MAGI1: variants seen among roughly 807,000 people sequenced by gnomAD.
The protein encoded by MAGI1 is membrane associated guanylate kinase, WW and PDZ domain containing 1, also known as membrane-associated guanylate kinase, WW and PDZ domain-containing protein 1.
MAGI1 carries 58 observed loss-of-function variants against 139.9 expected under a neutral mutation model. That is an observed-to-expected ratio of 0.41 (90% CI 0.34 to 0.52). MAGI1 has a LOEUF of 0.52. Among genes scored for constraint, MAGI1 ranks in the 20% least tolerant of loss-of-function variants. The pLI is 0.12. For missense variants in MAGI1, 1,874 were observed against 1,901.6 expected, an observed-to-expected ratio of 0.99 and a Z score of 0.27; for synonymous variants, 812 against 737.9, an observed-to-expected ratio of 1.10 and a Z score of -1.63.
rs561064588 is a variant in MAGI1 at position 65,743,503 on chromosome 3, T to C, written c.314-121415A>G. 4.0e-4 allele frequency among the ~76,000 whole-genome samples: 61 copies of C among 152,046 alleles called. 1 individual carries two copies. Among genetic ancestry groups the C allele is most frequent in the African/African-American group, 1.4e-3 (60 of 41,458 alleles). On this transcript the variant is annotated intron_variant, in intron 1 of 22. Coordinates refer to ENST00000402939, the MANE Select transcript of MAGI1 (RefSeq NM_001033057.2). ...TGGGCAGATCACCTGAGGTCAGTAG[T>C]TCGAGACCAGCCTGGCCAACATGGT... is the stretch of plus-strand genomic sequence containing the variant.
chr3:65,598,534 A>G (rs2082338113), intron 2 of MAGI1, among the ~76,000 whole-genome samples: 6 of 152,176 alleles, frequency 3.9e-5, no homozygotes, highest in Admixed American at 3.9e-4. Flanking sequence ...AATAACTCTT[A>G]TGTTTGAAAT....
chr3:65,564,924 G>A (rs2080539747), intron 2 of MAGI1, among the ~76,000 whole-genome samples: 1 of 152,180 alleles, frequency 6.6e-6, no homozygotes, highest in African/African-American at 2.4e-5. Flanking sequence ...ACTTAGAGAT[G>A]AGCCAGTGGG....
chr3:65,830,837 C>A (rs1255813019), intron 1 of MAGI1, among the ~76,000 whole-genome samples: 1 of 152,128 alleles, frequency 6.6e-6, no homozygotes, highest in African/African-American at 2.4e-5. Context: ...CCACTTGTGA[C>A]ATCTGCTAAT....
At chr3:65,945,146 G>A (rs1306343116) in intron 1 of MAGI1, among the ~76,000 whole-genome samples, 1 of 152,186 alleles carries the variant, frequency 6.6e-6, no homozygotes, top group Non-Finnish European at 1.5e-5. Flanking sequence ...GAGTCTGTGG[G>A]CTCTCTCCCA....
At chr3:65,387,136 T>C (rs1943513720) in intron 14 of MAGI1, 10 of 1,612,268 alleles carry the variant, frequency 6.2e-6, no homozygotes, top group Non-Finnish European at 8.5e-6. Context: ...TTTCAGCGGA[T>C]CCTTACTCGG....
intron 1 of MAGI1, among the ~76,000 whole-genome samples, chr3:65,922,452 A>G (rs1290974818): frequency 9.3e-6 from 1 of 108,010 alleles, no homozygotes; most frequent in Non-Finnish European, 1.8e-5. Context: ...GAAGGAAGAC[A>G]GCCATGTGAA....
chr3:65,516,424 C>T (rs554940835), intron 2 of MAGI1, among the ~76,000 whole-genome samples: 3 of 152,164 alleles, frequency 2.0e-5, no homozygotes, highest in South Asian at 2.1e-4. Context: ...GGGATCCGCC[C>T]GCCTGGCCTC....
At chr3:65,920,823 G>A (rs575307990) in intron 1 of MAGI1, among the ~76,000 whole-genome samples, 1 of 152,136 alleles carries the variant, frequency 6.6e-6, no homozygotes, top group Non-Finnish European at 1.5e-5. Context: ...GAGGTCAGGG[G>A]TTCAAGACCA....
intron 3 of MAGI1, among the ~76,000 whole-genome samples, chr3:65,482,779 C>A (rs927470488): frequency 1.3e-5 from 2 of 152,118 alleles, no homozygotes; most frequent in Non-Finnish European, 2.9e-5. Context: ...GATTAGTGAC[C>A]AACATTTAAA....
At chr3:66,024,499 G>T (rs2068132131) in intron 1 of MAGI1, among the ~76,000 whole-genome samples, 1 of 150,534 alleles carries the variant, frequency 6.6e-6, no homozygotes, top group South Asian at 2.1e-4. Context: ...CTCCCTAATT[G>T]TCCTTTAAAA....
chr3:65,395,820 T>C (rs796231050), intron 13 of MAGI1, among the ~76,000 whole-genome samples: 13 of 151,652 alleles, frequency 8.6e-5, no homozygotes, highest in Admixed American at 3.3e-4. Context: ...AATCCATTAA[T>C]GAATTTCAAG....
chr3:65,879,368 A>T (rs1259604101), intron 1 of MAGI1, among the ~76,000 whole-genome samples: 1 of 152,024 alleles, frequency 6.6e-6, no homozygotes, highest in East Asian at 1.9e-4. Flanking sequence ...GAATCTGAAT[A>T]TGGGAGTAAA....
At chr3:65,887,406 G>A (rs867609247) in intron 1 of MAGI1, among the ~76,000 whole-genome samples, 47 of 124,448 alleles carry the variant, frequency 3.8e-4, no homozygotes, top group African/African-American at 1.3e-3. Context: ...AAAAAAAAAA[G>A]GGCAGGGGCA....
intron 1 of MAGI1, among the ~76,000 whole-genome samples, chr3:65,757,645 T>C (rs2036671586): frequency 6.6e-6 from 1 of 152,132 alleles, no homozygotes; most frequent in Admixed American, 6.5e-5. Context: ...CTCAATAAAT[T>C]ATTAATTTCT....
At chr3:65,935,621 C>G (rs1424120809) in intron 1 of MAGI1, among the ~76,000 whole-genome samples, 1 of 151,888 alleles carries the variant, frequency 6.6e-6, no homozygotes, top group Non-Finnish European at 1.5e-5. Context: ...AATTCTGTCT[C>G]AAAGAAAAAA....
At chr3:65,464,190 A>G (rs1335867958) in intron 5 of MAGI1, among the ~76,000 whole-genome samples, 1 of 152,222 alleles carries the variant, frequency 6.6e-6, no homozygotes, top group East Asian at 1.9e-4. Context: ...CCTTTTGAAG[A>G]ATCAGCTATT....
intron 12 of MAGI1, among the ~76,000 whole-genome samples, chr3:65,419,671 C>T (rs1175363727): frequency 6.6e-6 from 1 of 152,120 alleles, no homozygotes. Flanking sequence ...TGTTTCTACC[C>T]TAGGATCCAC....
intron 1 of MAGI1, among the ~76,000 whole-genome samples, chr3:65,862,729 G>A (rs1252940497): frequency 2.0e-5 from 3 of 152,326 alleles, no homozygotes; most frequent in South Asian, 4.1e-4. Context: ...GAAACCACAT[G>A]CTGCAGATGG....
intron 1 of MAGI1, among the ~76,000 whole-genome samples, chr3:65,696,171 C>T (rs1287533171): frequency 1.3e-5 from 2 of 152,132 alleles, no homozygotes; most frequent in Admixed American, 1.3e-4. Context: ...CCATCAGAAA[C>T]ATCCCCCTTC....
Sources: gnomAD v4.1 joint callset for allele counts (sites outside exome capture counted in the v4.1 genomes callset) on GRCh38, gnomAD v4.1.1 for gene constraint, MANE v1.5 for transcripts, NCBI Gene and HGNC (gene_info 2026-07-23, HGNC 2026-07-21) for gene names.